UBE2O: variants seen among roughly 807,000 people sequenced by gnomAD.
UBE2O encodes ubiquitin conjugating enzyme E2 O.
A neutral mutation model predicts 125.8 loss-of-function variants in UBE2O; 15 were observed. The ratio of observed to expected loss-of-function variants is 0.12; its 90% confidence interval spans 0.08 to 0.18. UBE2O has a LOEUF of 0.18. UBE2O is among the 10% of genes least tolerant of loss of function. The probability of loss-of-function intolerance (pLI) is 1.00; values close to 1 mark genes in which losing one functional copy is unlikely to be tolerated. For missense variants in UBE2O, 1,280 were observed against 1,723.6 expected (o/e 0.74, Z 4.56); for synonymous variants, 708 against 703.2 (o/e 1.01, Z -0.11).
rs1174685482 is a variant in UBE2O at position 76,399,868 on chromosome 17, G to A, written c.1209C>T (p.Asp403=). The change falls in exon 9 of 18, where the codon GAC becomes GAT. Residue 403 remains aspartate, a synonymous_variant. Coordinates refer to ENST00000319380, the MANE Select transcript of UBE2O (RefSeq NM_022066.4). This position sits in a 1 kb window ranked among gnomAD's most constrained non-coding sequence, Gnocchi z 6.9. ...QVVRIMSCSP[D]TQCSRDHSME... ...TGGAATGGTCCCGGGAACACTGGGTGTCTGGGGAGCATGACATGATCCGCA... is the reference window on the plus strand; with the variant it reads ...TGGAATGGTCCCGGGAACACTGGGTATCTGGGGAGCATGACATGATCCGCA... 4 of 1,613,436 alleles carry A rather than the reference G, an allele frequency of 2.5e-6. No homozygotes were observed. In the African/African-American group the frequency reaches 4.0e-5, roughly 16 times the overall value.
chr17:76,421,436 C>T (rs1036507453), intron 1 of UBE2O, among the ~76,000 whole-genome samples: 4 of 151,984 alleles, frequency 2.6e-5, no homozygotes, highest in East Asian at 1.9e-4. Context: ...GGCGTGATCT[C>T]GGCACACCAT....
rs976521606 is a variant in UBE2O at position 76,391,326 on chromosome 17, T to G, written c.3496A>C (p.Ser1166Arg). ...ACAGCTGGGGGCTCTGGCGAGCTGCTGGCCTTGGGCACCCCGTTGGGCAGT... is the reference window on the plus strand; with the variant it reads ...ACAGCTGGGGGCTCTGGCGAGCTGCGGGCCTTGGGCACCCCGTTGGGCAGT... The part of the protein sequence containing the change: ...QALPNGVPKA[S>R]SSPEPPAVAE... Residue 1166 changes from serine to arginine, a missense_variant, in exon 18 of 18, where the codon AGC (serine) becomes CGC (arginine). Transcript: ENST00000319380. The surrounding 1 kb of genome is among the most constrained non-coding windows in gnomAD (Gnocchi z 8.4). 6.2e-7 allele frequency: 1 copy of G among 1,613,084 alleles called. No homozygotes were observed. Among genetic ancestry groups the G allele is most frequent in the Non-Finnish European group, 8.5e-7 (1 of 1,180,000 alleles).
intron 3 of UBE2O, among the ~76,000 whole-genome samples, chr17:76,403,538 T>C (rs2143721658): frequency 6.6e-6 from 1 of 152,220 alleles, no homozygotes; most frequent in East Asian, 1.9e-4. Flanking sequence ...TCTCAAAGTG[T>C]TGGGATTACA....
At chr17:76,441,648 T>C (rs997836019) in intron 1 of UBE2O, among the ~76,000 whole-genome samples, 1 of 152,236 alleles carries the variant, frequency 6.6e-6, no homozygotes, top group African/African-American at 2.4e-5. Flanking sequence ...GGGAGTTTGT[T>C]AGACACGCAG....
Position 76,402,641 on chromosome 17 carries a change from A to C in UBE2O, c.647T>G (p.Leu216Trp). The C allele has an allele frequency of 1.2e-6, 2 of 1,614,088 alleles. No homozygotes were observed. The highest frequency in any genetic ancestry group is 8.5e-7 in the Non-Finnish European group (1 of 1,180,010). Residue 216 changes from leucine (L) to tryptophan (W), a missense_variant, in exon 4 of 18, where the codon TTG (leucine) becomes TGG (tryptophan). By Grantham distance (61) the Leu-to-Trp change is moderately conservative. This residue lies in a region of UBE2O where 206 missense variants were observed against 315.7 expected (regional missense o/e 0.65). Coordinates refer to ENST00000319380, the MANE Select transcript of UBE2O (RefSeq NM_022066.4). This position sits in a 1 kb window ranked among gnomAD's most constrained non-coding sequence, Gnocchi z 5.4. ...YDCWLGKVYD[L>W]KNQIILKLSN... ...TAGCTTCAGGATGATCTGGTTCTTCAAGTCGTAGACCTTCCCCAGCCAGCA... is the reference window on the plus strand; with the variant it reads ...TAGCTTCAGGATGATCTGGTTCTTCCAGTCGTAGACCTTCCCCAGCCAGCA...
intron 1 of UBE2O, among the ~76,000 whole-genome samples, chr17:76,447,379 T>C (rs972684464): frequency 1.3e-5 from 2 of 152,238 alleles, no homozygotes; most frequent in Non-Finnish European, 2.9e-5. Context: ...CACAGGGTTG[T>C]TGTGAGCGTG....
In UBE2O at chr17:76,405,485, G is replaced by A. The variant is rs371269312; in HGVS notation, c.477+28C>T. On this transcript the variant is annotated intron_variant, in intron 2 of 17. Transcript: ENST00000319380. This position sits in a 1 kb window ranked among gnomAD's most constrained non-coding sequence, Gnocchi z 6.1. ...CCCTAAGGTGGCTGCCCCCAGGCCC[G>A]GGGCTGGGGTGGGGACGCAGGACTC... 1.4e-5 allele frequency: 22 copies of A among 1,589,020 alleles called. No individual in the cohort carries two copies. Among genetic ancestry groups the A allele is most frequent in the African/African-American group, 1.3e-4 (10 of 74,756 alleles).
chr17:76,408,689 T>C (rs1193028705), intron 1 of UBE2O, among the ~76,000 whole-genome samples: 2 of 152,220 alleles, frequency 1.3e-5, no homozygotes, highest in Non-Finnish European at 2.9e-5. Flanking sequence ...TGCCCTCCAC[T>C]TCCCCTTCTA....
chr17:76,395,705 C>CCCAT lies in UBE2O; in HGVS notation c.2946+16_2946+19dup, dbSNP rs780041876. The CCCAT allele has an allele frequency of 1.9e-6, 3 of 1,610,506 alleles. No homozygotes were observed. In the African/African-American group the frequency reaches 4.0e-5, roughly 22 times the overall value. On this transcript the variant is annotated intron_variant, in intron 15 of 17. Transcript: ENST00000319380. This position sits in a 1 kb window ranked among gnomAD's most constrained non-coding sequence, Gnocchi z 5.0. ...TGCCCACACAGCACATCTGCACCTGCCCATGCCAAGCCTACTTGCCATTCT... is the reference window on the plus strand; with the variant it reads ...TGCCCACACAGCACATCTGCACCTGCCCATCCATGCCAAGCCTACTTGCCATTCT...
Position 76,399,889 on chromosome 17 carries a change from C to G in UBE2O, c.1188G>C (p.Arg396=). Residue 396 remains arginine (R), a synonymous_variant, in exon 9 of 18, where the codon CGG becomes CGC. Transcript: ENST00000319380. This position sits in a 1 kb window ranked among gnomAD's most constrained non-coding sequence, Gnocchi z 6.9. ...GGGTGTCTGGGGAGCATGACATGATCCGCACAACCTGCTTCTTCAACAGGC... is the reference window on the plus strand; with the variant it reads ...GGGTGTCTGGGGAGCATGACATGATGCGCACAACCTGCTTCTTCAACAGGC... ...VKRLLKKQVV[R]IMSCSPDTQC... is the part of the protein sequence containing the mutation. The G allele has an allele frequency of 1.2e-6, 2 of 1,610,984 alleles. No individual in the cohort carries two copies. Among genetic ancestry groups the G allele is most frequent in the Non-Finnish European group, 1.7e-6 (2 of 1,178,446 alleles).
chr17:76,416,031 ATATATG>A lies in UBE2O; in HGVS notation c.418-10465_418-10460del, dbSNP rs202009838. Among the ~76,000 whole-genome samples the A allele has an allele frequency of 5.5e-3, 791 of 143,386 alleles. 5 individuals carry two copies. Among genetic ancestry groups the A allele is most frequent in the African/African-American group, 0.019 (757 of 40,192 alleles). 94.1% of individuals were successfully genotyped at this position (143,386 alleles called of 152,430 possible). ...TGTGTATACATATGTACACACACGT[ATATATG>A]TGTGTGTACATATGTACATACACGT... On this transcript the variant is annotated intron_variant, in intron 1 of 17. Coordinates refer to ENST00000319380, the MANE Select transcript of UBE2O (RefSeq NM_022066.4).
intron 1 of UBE2O, among the ~76,000 whole-genome samples, chr17:76,420,177 C>T (rs2072686202): frequency 6.6e-6 from 1 of 152,208 alleles, no homozygotes; most frequent in Non-Finnish European, 1.5e-5. Flanking sequence ...ACCGTACCTT[C>T]CTAGGCAGAC....
chr17:76,448,782 C>T (rs558076602), intron 1 of UBE2O, among the ~76,000 whole-genome samples: 40 of 152,388 alleles, frequency 2.6e-4, no homozygotes, highest in African/African-American at 7.7e-4. Context: ...GGACCCACCA[C>T]GTCTAGCCAG....
intron 1 of UBE2O, among the ~76,000 whole-genome samples, chr17:76,442,775 G>T (rs2073093759): frequency 6.6e-6 from 1 of 152,218 alleles, no homozygotes; most frequent in Non-Finnish European, 1.5e-5. Context: ...GATCACTTGG[G>T]AGGTCAGCCC....
At chr17:76,394,325 G>A (rs118045327) in intron 15 of UBE2O, among the ~76,000 whole-genome samples, 211 of 152,326 alleles carry the variant, frequency 1.4e-3, no homozygotes, top group Non-Finnish European at 2.4e-3. Context: ...AAGGGACTGC[G>A]GAGTCAACAA....
At chr17:76,412,482 G>A (rs770440523) in intron 1 of UBE2O, among the ~76,000 whole-genome samples, 6 of 152,136 alleles carry the variant, frequency 3.9e-5, no homozygotes, top group African/African-American at 1.2e-4. Context: ...CCAACTGGGG[G>A]TGTGGGAGAG....
chr17:76,412,644 G>A (rs1478722295), intron 1 of UBE2O, among the ~76,000 whole-genome samples: 1 of 152,174 alleles, frequency 6.6e-6, no homozygotes, highest in Non-Finnish European at 1.5e-5. Context: ...TCCACTGCCA[G>A]CACAGGTGTG....
At chr17:76,401,271 C>T in intron 5 of UBE2O, 117 bp from the exon 6 acceptor site, 1 of 1,224,308 alleles carries the variant, frequency 8.2e-7, no homozygotes, top group Non-Finnish European at 1.1e-6. Flanking sequence ...ACACACACGC[C>T]CCACACGCCC....
At chr17:76,401,191 C>T (rs745481207) in intron 5 of UBE2O, 37 bp from the exon 6 acceptor site, 30 of 1,608,004 alleles carry the variant, frequency 1.9e-5, no homozygotes, top group South Asian at 5.5e-5. Context: ...TCCCCGTGAG[C>T]GGTGTCTCCA....
Sources: allele counts gnomAD v4.1 joint callset (sites outside exome capture counted in the v4.1 genomes callset), GRCh38; gene constraint gnomAD v4.1.1; regional missense constraint gnomAD v4.1.1; non-coding constraint Gnocchi (gnomAD v3.1); transcripts MANE v1.5; gene names NCBI Gene and HGNC (gene_info 2026-07-23, HGNC 2026-07-21).